Variants in TLN2 observed in about 807,000 individuals in gnomAD.
TLN2 encodes talin-2.
In TLN2, 118 loss-of-function variants were observed where a neutral mutation model predicts 294.7. The ratio of observed to expected loss-of-function variants is 0.40; its 90% CI spans 0.34 to 0.47. TLN2 has a LOEUF of 0.47. Among genes scored for constraint, TLN2 ranks in the 20% least tolerant of loss-of-function variants. TLN2 has a pLI of 0.84. For missense variants in TLN2, 3,083 were observed against 3,282.2 expected, an observed-to-expected ratio of 0.94 and a Z score of 1.48; for synonymous variants, 1,431 against 1,304.5, an observed-to-expected ratio of 1.10 and a Z score of -2.09.
chr15:62,400,391 G>A (rs1185234565), intron 1 of TLN2, among the ~76,000 whole-genome samples: 1 of 152,174 alleles, frequency 6.6e-6, no homozygotes, highest in African/African-American at 2.4e-5. Context: ...ATTTCCCCAA[G>A]CTGGGAAAAA....
chr15:62,660,325 T>A (rs1443828330), intron 9 of TLN2, among the ~76,000 whole-genome samples: 3 of 152,194 alleles, frequency 2.0e-5, no homozygotes, highest in Non-Finnish European at 4.4e-5. Context: ...ATAATGAAAA[T>A]CATCAGAGCT....
intron 1 of TLN2, among the ~76,000 whole-genome samples, chr15:62,491,337 A>T (rs2960273): frequency 2.4e-3 from 278 of 114,928 alleles, no homozygotes; most frequent in Middle Eastern, 8.7e-3. Flanking sequence ...AAAAAAAAAA[A>T]ATATATATAT....
rs187046934 is a variant in TLN2 at position 62,774,422 on chromosome 15, G to C, written c.5368-2342G>C. On this transcript the variant is annotated intron_variant, in intron 42 of 58. Transcript: ENST00000636159. ...GCCACTTATGAGATTGCTGTCGGTG[G>C]TTTAAACAGGCCTTAATTGAGATCC... 2.3e-3 allele frequency among the ~76,000 whole-genome samples: 349 copies of C among 152,292 alleles called. 1 individual carries two copies. Among genetic ancestry groups the C allele is most frequent in the Non-Finnish European group, 3.3e-3 (223 of 68,024 alleles).
At chr15:62,683,830 G>T (rs550678255) in intron 11 of TLN2, among the ~76,000 whole-genome samples, 2 of 152,240 alleles carry the variant, frequency 1.3e-5, no homozygotes, top group East Asian at 3.9e-4. Flanking sequence ...TGGTTCGGGG[G>T]TACTGAGACT....
At chr15:62,689,068 C>CTTTT (rs796645804) in intron 12 of TLN2, among the ~76,000 whole-genome samples, 4 of 116,632 alleles carry the variant, frequency 3.4e-5, no homozygotes, top group Admixed American at 8.5e-5. Flanking sequence ...TTCTCTCTCT[C>CTTTT]TTTTTTTTTT....
At chr15:62,762,620 G>A (rs183892114) in intron 39 of TLN2, among the ~76,000 whole-genome samples, 167 bp downstream of exon 39, 34 of 152,290 alleles carry the variant, frequency 2.2e-4, no homozygotes, top group Middle Eastern at 3.4e-3. Flanking sequence ...GCTAACTTAA[G>A]TACTTACCAT....
At chr15:62,597,350 A>G (rs12437908) in intron 2 of TLN2, among the ~76,000 whole-genome samples, 38,980 of 152,146 alleles carry the variant, frequency 0.26, 5,295 homozygotes, top group East Asian at 0.41. Context: ...TGCTGTTCCC[A>G]TCGGAACCTA....
At chr15:62,655,439 C>T (rs1331241842) in intron 7 of TLN2, among the ~76,000 whole-genome samples, 1 of 152,166 alleles carries the variant, frequency 6.6e-6, no homozygotes, top group Non-Finnish European at 1.5e-5. Flanking sequence ...CTACTCCCTC[C>T]ATACTTTCAT....
intron 28 of TLN2, among the ~76,000 whole-genome samples, chr15:62,733,364 C>A (rs1054958175): frequency 1.3e-5 from 2 of 152,110 alleles, no homozygotes; most frequent in African/African-American, 4.8e-5. Context: ...AAAGAGAGAG[C>A]GTGTGTGGAA....
intron 1 of TLN2, among the ~76,000 whole-genome samples, chr15:62,587,597 G>A (rs2045715267): frequency 6.6e-6 from 1 of 152,072 alleles, no homozygotes. Flanking sequence ...ATATCTGTGG[G>A]CCTTTAGGGG....
chr15:62,691,580 A>G (rs1216795267), intron 12 of TLN2, among the ~76,000 whole-genome samples: 1 of 152,136 alleles, frequency 6.6e-6, no homozygotes, highest in East Asian at 1.9e-4. Context: ...GATTTATTTC[A>G]GTGTTGGCAT....
At chr15:62,784,842 G>A (rs1458427484) in intron 45 of TLN2, 7 of 152,216 alleles carry the variant, frequency 4.6e-5, no homozygotes, top group Non-Finnish European at 1.0e-4. Flanking sequence ...CAAGGCAGAA[G>A]GTTGTAATTG....
chr15:62,692,752 G>A, intron 12 of TLN2, 88 bp from the exon 13 acceptor site: 4 of 954,728 alleles, frequency 4.2e-6, no homozygotes, highest in South Asian at 1.4e-5. Context: ...TGAAGTCTAT[G>A]TCATATTGTT....
chr15:62,652,943 C>G (rs1428439681), intron 6 of TLN2, among the ~76,000 whole-genome samples: 4 of 151,970 alleles, frequency 2.6e-5, no homozygotes, highest in Admixed American at 2.0e-4. Flanking sequence ...AAAAAGTGTT[C>G]AAGTTTGTTA....
intron 1 of TLN2, among the ~76,000 whole-genome samples, chr15:62,563,743 G>T (rs899702488): frequency 2.6e-5 from 4 of 152,162 alleles, no homozygotes. Flanking sequence ...CTCCCGTTGG[G>T]CACAGTGACC....
intron 1 of TLN2, among the ~76,000 whole-genome samples, chr15:62,587,467 G>T (rs948628901): frequency 6.6e-6 from 1 of 152,128 alleles, no homozygotes; most frequent in Non-Finnish European, 1.5e-5. Context: ...GAATCATACT[G>T]CATATGGTCA....
chr15:62,695,674 G>A (rs2058276210), intron 14 of TLN2, among the ~76,000 whole-genome samples: 2 of 152,152 alleles, frequency 1.3e-5, no homozygotes, highest in Admixed American at 6.5e-5. Flanking sequence ...TCACCCAAAA[G>A]GTGTTTTTCC....
At chr15:62,554,814 G>A (rs986811442) in intron 1 of TLN2, among the ~76,000 whole-genome samples, 10 of 152,100 alleles carry the variant, frequency 6.6e-5, no homozygotes, top group African/African-American at 1.9e-4. Flanking sequence ...TACCACTTAC[G>A]TGATAACTTT....
chr15:62,617,979 T>C (rs1011057081), intron 2 of TLN2, among the ~76,000 whole-genome samples: 216 of 148,092 alleles, frequency 1.5e-3, no homozygotes, highest in East Asian at 5.8e-4. Context: ...TTTTTTTTTT[T>C]GTAGAGACAG....
Sources: gnomAD v4.1 joint callset for allele counts (sites outside exome capture counted in the v4.1 genomes callset) on GRCh38, gnomAD v4.1.1 for gene constraint, MANE v1.5 for transcripts, NCBI Gene and HGNC (gene_info 2026-07-23, HGNC 2026-07-21) for gene names.